MALRD1: variants seen among roughly 807,000 people sequenced by gnomAD.
MALRD1 encodes the protein MAM and LDL receptor class A domain containing 1.
A neutral mutation model predicts 242.1 loss-of-function variants in MALRD1; 247 were observed. That is an observed-to-expected ratio of 1.02 (90% CI 0.92 to 1.13). MALRD1 has a LOEUF of 1.13. Among genes scored for constraint, MALRD1 ranks in the 50% most tolerant of loss-of-function variants. The probability of loss-of-function intolerance (pLI) is 0.00; values close to 1 mark genes in which losing one functional copy is unlikely to be tolerated. For missense variants in MALRD1, 2,989 were observed against 2,533.1 expected, an observed-to-expected ratio of 1.18 and a Z score of -3.86; for synonymous variants, 995 against 866.6, an observed-to-expected ratio of 1.15 and a Z score of -2.60.
intron 38 of MALRD1, among the ~76,000 whole-genome samples, chr10:19,714,320 T>G (rs1834277629): frequency 6.6e-6 from 1 of 152,154 alleles, no homozygotes; most frequent in South Asian, 2.1e-4. Context: ...GCCCAGTGGC[T>G]GGGCTCCCCT....
chr10:19,578,169 A>G (rs1836924363), intron 33 of MALRD1, among the ~76,000 whole-genome samples: 1 of 151,820 alleles, frequency 6.6e-6, no homozygotes, highest in East Asian at 1.9e-4. Flanking sequence ...TAGAAAAACA[A>G]GAGACTTTCC....
At position 19,103,424 on chromosome 10, in the gene MALRD1, G is replaced by T. The variant is rs187632949; in HGVS notation, c.598-555G>T. Among the ~76,000 whole-genome samples the T allele has an allele frequency of 2.4e-3, 365 of 151,988 alleles. 1 individual carries two copies. The highest frequency in any genetic ancestry group is 8.5e-3 in the African/African-American group (351 of 41,504). ...AAAATACAAAAAATTAGCCGGGCGCGGTGGTGGGCGCCTGTAGTCCCAGCT... is the reference window on the plus strand; with the variant it reads ...AAAATACAAAAAATTAGCCGGGCGCTGTGGTGGGCGCCTGTAGTCCCAGCT... On this transcript the variant is annotated intron_variant, in intron 4 of 39. Transcript: ENST00000454679.
intron 18 of MALRD1, among the ~76,000 whole-genome samples, chr10:19,246,602 A>T (rs1839059120): frequency 2.0e-5 from 3 of 152,142 alleles, no homozygotes; most frequent in Admixed American, 1.3e-4. Flanking sequence ...GCTGGACATC[A>T]GAGTACAAGA....
At chr10:19,703,332 A>G (rs1016985770) in intron 38 of MALRD1, among the ~76,000 whole-genome samples, 1 of 152,048 alleles carries the variant, frequency 6.6e-6, no homozygotes, top group Admixed American at 6.6e-5. Context: ...TGTTACCTAG[A>G]GGTTGATTGT....
chr10:19,507,142 G>T (rs1833178344), intron 31 of MALRD1, among the ~76,000 whole-genome samples: 1 of 152,006 alleles, frequency 6.6e-6, no homozygotes, highest in South Asian at 2.1e-4. Flanking sequence ...CACAAAGAGA[G>T]CACCGAGCCA....
chr10:19,597,832 G>T (rs769922071), intron 34 of MALRD1, among the ~76,000 whole-genome samples: 3 of 152,208 alleles, frequency 2.0e-5, no homozygotes, highest in Non-Finnish European at 4.4e-5. Context: ...TTTCACAAGA[G>T]TAGTGATTAC....
chr10:19,498,708 T>A, intron 31 of MALRD1, 62 bp downstream of exon 31: 1 of 1,491,482 alleles, frequency 6.7e-7, no homozygotes, highest in Middle Eastern at 1.8e-4. Context: ...GCTTTAACAA[T>A]TTGTGTGAAT....
chr10:19,679,444 A>T (rs1346676265), intron 36 of MALRD1, among the ~76,000 whole-genome samples: 1 of 152,082 alleles, frequency 6.6e-6, no homozygotes, highest in Non-Finnish European at 1.5e-5. Flanking sequence ...GTTTATTTGC[A>T]TAGAGGTATT....
At chr10:19,564,007 A>G (rs1160591267) in intron 32 of MALRD1, among the ~76,000 whole-genome samples, 1 of 152,188 alleles carries the variant, frequency 6.6e-6, no homozygotes, top group Non-Finnish European at 1.5e-5. Context: ...GCCTTCTGCC[A>G]TGAGAAAAAG....
chr10:19,546,476 T>C (rs558486069), intron 32 of MALRD1, among the ~76,000 whole-genome samples: 11 of 152,334 alleles, frequency 7.2e-5, no homozygotes, highest in African/African-American at 2.4e-4. Context: ...TCATCTTGTC[T>C]GTTCTGGGTA....
intron 33 of MALRD1, among the ~76,000 whole-genome samples, chr10:19,573,901 T>C (rs1836677392): frequency 6.6e-6 from 1 of 152,134 alleles, no homozygotes; most frequent in Non-Finnish European, 1.5e-5. Context: ...GGGCACTTAT[T>C]CCCCACCCAC....
At chr10:19,187,803 C>G (rs1434396250) in intron 14 of MALRD1, among the ~76,000 whole-genome samples, 1 of 152,120 alleles carries the variant, frequency 6.6e-6, no homozygotes, top group African/African-American at 2.4e-5. Context: ...AGACAATGGA[C>G]TACAGGAGGG....
Position 19,283,052 on chromosome 10 carries a change from T to A in MALRD1, c.3290T>A (p.Leu1097Gln). 11 of 1,548,116 alleles carry A rather than the reference T, an allele frequency of 7.1e-6. No homozygotes were observed. The highest frequency in any genetic ancestry group is 8.7e-6 in the Non-Finnish European group (10 of 1,145,568). ...MEVCSFEKRS[L>Q]CKWYQPIPVH... ...GTTTGCAGCTTTGAGAAAAGAAGCCTGTGTAAATGGTATCAACCAATCCCA... is the reference window on the plus strand; with the variant it reads ...GTTTGCAGCTTTGAGAAAAGAAGCCAGTGTAAATGGTATCAACCAATCCCA... The change falls in exon 21 of 40, where the codon CTG becomes CAG. Residue 1097 changes from leucine (L) to glutamine (Q), a missense_variant. Leu to Gln is a moderately radical substitution (Grantham distance 113). Transcript: ENST00000454679.
intron 24 of MALRD1, among the ~76,000 whole-genome samples, chr10:19,343,341 G>A (rs1414843434): frequency 6.6e-6 from 1 of 152,006 alleles, no homozygotes; most frequent in Non-Finnish European, 1.5e-5. Flanking sequence ...ACCTAACTAT[G>A]GTCCAGTATT....
chr10:19,634,564 ATGCT>A (rs1387458938), intron 36 of MALRD1, among the ~76,000 whole-genome samples: 2 of 152,128 alleles, frequency 1.3e-5, no homozygotes, highest in African/African-American at 4.8e-5. Flanking sequence ...TCGAAAAGTC[ATGCT>A]TGCGGAATAT....
At chr10:19,691,447 C>T (rs1427731618) in intron 36 of MALRD1, among the ~76,000 whole-genome samples, 1 of 152,062 alleles carries the variant, frequency 6.6e-6, no homozygotes, top group African/African-American at 2.4e-5. Context: ...TTTATACACT[C>T]ATATTCAAAA....
chr10:19,634,174 A>G (rs1473289511), intron 36 of MALRD1, among the ~76,000 whole-genome samples: 1 of 152,054 alleles, frequency 6.6e-6, no homozygotes, highest in Non-Finnish European at 1.5e-5. Flanking sequence ...TGCCAGGCCC[A>G]GAGAACCGGA....
intron 24 of MALRD1, among the ~76,000 whole-genome samples, chr10:19,341,373 C>T (rs2130957020): frequency 6.6e-6 from 1 of 150,814 alleles, no homozygotes; most frequent in East Asian, 1.9e-4. Context: ...GTGGAGTTTC[C>T]ATTCTGACTG....
intron 33 of MALRD1, among the ~76,000 whole-genome samples, chr10:19,586,095 C>A (rs981547259): frequency 6.6e-6 from 1 of 152,140 alleles, no homozygotes; most frequent in African/African-American, 2.4e-5. Flanking sequence ...TTAAGCACTT[C>A]TCTGTATTGG....
Sources: gnomAD v4.1 joint callset for allele counts (sites outside exome capture counted in the v4.1 genomes callset) on GRCh38, gnomAD v4.1.1 for gene constraint, MANE v1.5 for transcripts, NCBI Gene and HGNC (gene_info 2026-07-23, HGNC 2026-07-21) for gene names.